BTBD8: variants seen among roughly 807,000 people sequenced by gnomAD.
BTBD8 encodes BTB domain containing 8.
BTBD8 carries 110 observed loss-of-function variants against 162.9 expected under a neutral mutation model. The ratio of observed to expected loss-of-function variants is 0.68; its 90% CI spans 0.58 to 0.79. The LOEUF (loss-of-function observed/expected upper bound fraction) is 0.79, where lower values mean the gene tolerates loss of function less well. Ranked by LOEUF, BTBD8 falls within the 30% of genes least tolerant of loss-of-function variation. The pLI, the probability that BTBD8 is intolerant of heterozygous loss-of-function variation, is 0.00. For synonymous variants in BTBD8, 667 were observed against 716.1 expected (o/e 0.93, Z 1.10); for missense variants, 1,905 against 2,085.4 (o/e 0.91, Z 1.68).
At chr1:92,134,311 C>T (rs1417157615) in intron 5 of BTBD8, among the ~76,000 whole-genome samples, 1 of 152,160 alleles carries the variant, frequency 6.6e-6, no homozygotes, top group Non-Finnish European at 1.5e-5. Flanking sequence ...CCTTCAGTGT[C>T]TTCTCATTAT....
In BTBD8 at chr1:92,148,527, G is replaced by C. The variant is rs1029266897; in HGVS notation, c.1122+741G>C. 3.3e-5 allele frequency among the ~76,000 whole-genome samples: 5 copies of C among 152,188 alleles called. No homozygotes were observed. In the South Asian group the frequency reaches 6.2e-4, roughly 19 times the overall value. ...GTGGCAGTGCCCTGTGGGGCTGGGG[G>C]CAGTATCCTCCAGGATGCAATACAT... On this transcript the variant is annotated intron_variant, in intron 9 of 17. Coordinates refer to ENST00000636805, the MANE Select transcript of BTBD8 (RefSeq NM_001376131.1).
intron 2 of BTBD8, among the ~76,000 whole-genome samples, chr1:92,095,064 G>C (rs1490758892): frequency 6.6e-6 from 1 of 152,140 alleles, no homozygotes; most frequent in Non-Finnish European, 1.5e-5. Flanking sequence ...CCCCTCCCAG[G>C]TTCGCTAATT....
At chr1:92,143,547 G>A (rs1649826253) in intron 7 of BTBD8, among the ~76,000 whole-genome samples, 4 of 152,012 alleles carry the variant, frequency 2.6e-5, no homozygotes, top group Admixed American at 2.6e-4. Context: ...TTTTGCTCTT[G>A]TTGCCTAGGC....
chr1:92,126,425 C>T lies in BTBD8; in HGVS notation c.663-3262C>T, dbSNP rs568865079. On this transcript the variant is annotated intron_variant, in intron 4 of 17. Transcript: ENST00000636805. ...TTGCCCAGGCTCAGACCTCCTCAAA[C>T]GAAACATCCAGCAGTACAACAGTTT... 83 of 915,522 alleles carry T rather than the reference C, an allele frequency of 9.1e-5. 1 individual carries two copies. The highest frequency in any genetic ancestry group is 2.4e-4 in the Middle Eastern group (1 of 4,092). The allele number at this position is 915,522 out of a possible 1,614,324, so 56.7% of individuals were successfully genotyped here.
intron 4 of BTBD8, chr1:92,115,407 A>G: frequency 2.0e-6 from 1 of 492,770 alleles, no homozygotes; most frequent in South Asian, 1.5e-5. Flanking sequence ...GCTCATGCCC[A>G]TCACGAACAT....
At chr1:92,135,070 T>C (rs1287597241) in intron 5 of BTBD8, among the ~76,000 whole-genome samples, 3 of 151,844 alleles carry the variant, frequency 2.0e-5, no homozygotes, top group Non-Finnish European at 2.9e-5. Context: ...TTTATATTTT[T>C]AGTAGAGACG....
intron 5 of BTBD8, among the ~76,000 whole-genome samples, chr1:92,132,244 A>G (rs768845040): frequency 6.6e-6 from 1 of 152,038 alleles, no homozygotes; most frequent in African/African-American, 2.4e-5. Context: ...TGCCTCTTCA[A>G]CTTCTATCTG....
At chr1:92,147,961 C>T (rs560094831) in intron 9 of BTBD8, 175 bp downstream of exon 9, 1 of 584,412 alleles carries the variant, frequency 1.7e-6, no homozygotes, top group East Asian at 2.9e-5. Context: ...CTCTGCATAC[C>T]CAGCTCATCA....
At chr1:92,095,908 A>T (rs939245215) in intron 2 of BTBD8, among the ~76,000 whole-genome samples, 15 of 151,540 alleles carry the variant, frequency 9.9e-5, no homozygotes, top group African/African-American at 3.6e-4. Context: ...TTTCTAGCTT[A>T]CTCCCTTTAG....
At chr1:92,151,419 G>C (rs1650040250) in intron 9 of BTBD8, among the ~76,000 whole-genome samples, 1 of 151,468 alleles carries the variant, frequency 6.6e-6, no homozygotes, top group African/African-American at 2.4e-5. Context: ...TTGTATTGTT[G>C]CTTACTGTTT....
At chr1:92,109,536 A>T in intron 4 of BTBD8, among the ~76,000 whole-genome samples, 1 of 152,170 alleles carries the variant, frequency 6.6e-6, no homozygotes. Context: ...GCTCTTGCTC[A>T]CATTTCTGGT....
chr1:92,090,627 T>C (rs550179718), intron 2 of BTBD8, among the ~76,000 whole-genome samples: 1 of 152,276 alleles, frequency 6.6e-6, no homozygotes, highest in African/African-American at 2.4e-5. Flanking sequence ...GACACAAAAG[T>C]TTTAAATTCT....
intron 9 of BTBD8, among the ~76,000 whole-genome samples, chr1:92,152,377 G>C (rs572508901): frequency 6.6e-6 from 1 of 152,084 alleles, no homozygotes; most frequent in African/African-American, 2.4e-5. Flanking sequence ...CAAATAGGTA[G>C]GTAAGTGAAT....
rs114778924 is a variant in BTBD8, at chr1:92,179,332, T to C, written c.2581+881T>C. ...AGGAGGAAGAATTTCCCTTCCAGAATCTGTGTGAGTCCATTGTTTTTCAGT... is the reference window on the plus strand; with the variant it reads ...AGGAGGAAGAATTTCCCTTCCAGAACCTGTGTGAGTCCATTGTTTTTCAGT... On this transcript the variant is annotated intron_variant, in intron 16 of 17. Coordinates refer to ENST00000636805, the MANE Select transcript of BTBD8 (RefSeq NM_001376131.1). Among the ~76,000 whole-genome samples, 870 of 152,192 alleles carry C rather than the reference T, an allele frequency of 5.7e-3. 10 individuals carry two copies. The highest frequency in any genetic ancestry group is 0.02 in the African/African-American group (838 of 41,518).
At chr1:92,125,828 TG>T in intron 4 of BTBD8, 1 of 405,450 alleles carries the variant, frequency 2.5e-6, no homozygotes, top group South Asian at 2.2e-5. Context: ...TTCTGCAAGG[TG>T]ATGAAGGGGA....
intron 9 of BTBD8, among the ~76,000 whole-genome samples, chr1:92,164,986 T>C (rs1650353778): frequency 6.6e-6 from 1 of 151,812 alleles, no homozygotes; most frequent in Non-Finnish European, 1.5e-5. Context: ...CTGGGTGTGG[T>C]AGCATGCACC....
chr1:92,111,411 A>G (rs762918259), intron 4 of BTBD8, among the ~76,000 whole-genome samples: 11 of 152,214 alleles, frequency 7.2e-5, no homozygotes, highest in Non-Finnish European at 1.6e-4. Context: ...TAAGATGTCA[A>G]ATCTTCCTTT....
At chr1:92,140,593 T>C (rs962354328) in intron 6 of BTBD8, among the ~76,000 whole-genome samples, 2 of 152,214 alleles carry the variant, frequency 1.3e-5, no homozygotes, top group African/African-American at 4.8e-5. Flanking sequence ...CTTTCAAAGC[T>C]TGTAGGCTTC....
At chr1:92,115,360 C>T (rs1318561739) in intron 4 of BTBD8, 20 of 457,916 alleles carry the variant, frequency 4.4e-5, no homozygotes, top group Non-Finnish European at 8.4e-5. Context: ...GTACAGGAGA[C>T]ATTGCTGATG....
Sources: allele counts gnomAD v4.1 joint callset (sites outside exome capture counted in the v4.1 genomes callset), GRCh38; gene constraint gnomAD v4.1.1; transcripts MANE v1.5; gene names NCBI Gene and HGNC (gene_info 2026-07-23, HGNC 2026-07-21).